Variants in TANK observed in about 807,000 individuals in gnomAD.
TANK encodes TRAF family member-associated NF-kappa-B activator.
Under a neutral mutation model 43.6 loss-of-function variants are expected in TANK, and 15 were observed. The ratio of observed to expected loss-of-function variants is 0.34; its 90% confidence interval spans 0.23 to 0.53. TANK has a LOEUF of 0.53. Among genes scored for constraint, TANK ranks in the 20% least tolerant of loss-of-function variants. The pLI, the probability that TANK is intolerant of heterozygous loss-of-function variation, is 0.94. For missense variants in TANK, 417 were observed against 498.6 expected (o/e 0.84, Z 1.56); for synonymous variants, 162 against 178.2 (o/e 0.91, Z 0.73).
chr2:161,223,998 C>T lies in TANK; in HGVS notation c.404+7C>T. ...GTCCTTTGCTCCATGAAAGGTAGTT[C>T]TACATCCTTTTTTCTCAACTCTTAA... On this transcript the variant is annotated splice_region_variant and intron_variant, in intron 5 of 7. Coordinates refer to ENST00000392749, the MANE Select transcript of TANK (RefSeq NM_001199135.3). The T allele has an allele frequency of 6.4e-7, 1 of 1,553,766 alleles. No homozygotes were observed. The highest frequency in any genetic ancestry group is 8.8e-7 in the Non-Finnish European group (1 of 1,140,858).
intron 1 of TANK, chr2:161,162,704 C>T (rs1293689897): frequency 6.6e-6 from 1 of 152,020 alleles, no homozygotes; most frequent in Non-Finnish European, 1.5e-5. Context: ...ATTTCTAGCT[C>T]ATTGTGATTT....
chr2:161,197,168 A>G (rs1686190108), intron 2 of TANK, among the ~76,000 whole-genome samples: 1 of 152,154 alleles, frequency 6.6e-6, no homozygotes, highest in Admixed American at 6.5e-5. Flanking sequence ...CTTGTACATT[A>G]TTTTTGTTCT....
intron 5 of TANK, among the ~76,000 whole-genome samples, chr2:161,224,301 A>G (rs1202029876): frequency 6.6e-6 from 1 of 152,044 alleles, no homozygotes; most frequent in East Asian, 1.9e-4. Context: ...TTAATATTCT[A>G]TTTAAGATAT....
At chr2:161,149,031 C>G (rs370796397) in intron 1 of TANK, among the ~76,000 whole-genome samples, 2 of 152,040 alleles carry the variant, frequency 1.3e-5, no homozygotes, top group Non-Finnish European at 2.9e-5. Flanking sequence ...AAAAAATAGG[C>G]TATTGAAATT....
intron 4 of TANK, among the ~76,000 whole-genome samples, chr2:161,222,032 C>CA (rs879573621): frequency 6.6e-6 from 1 of 152,040 alleles, no homozygotes; most frequent in Non-Finnish European, 1.5e-5. Flanking sequence ...AAGTTAGCAT[C>CA]AATTATTTAC....
chr2:161,232,721 T>G, intron 7 of TANK: 1 of 1,547,568 alleles, frequency 6.5e-7, no homozygotes, highest in Non-Finnish European at 8.7e-7. Context: ...GTCTTGCTTG[T>G]TCTTTTACTA....
At chr2:161,221,497 A>C (rs545100662) in intron 4 of TANK, among the ~76,000 whole-genome samples, 59 of 152,240 alleles carry the variant, frequency 3.9e-4, no homozygotes, top group Admixed American at 1.6e-3. Flanking sequence ...AGTTTCTGGG[A>C]AAGTGTTGAA....
chr2:161,154,855 G>T (rs1684181182), intron 1 of TANK, among the ~76,000 whole-genome samples: 1 of 150,292 alleles, frequency 6.7e-6, no homozygotes, highest in African/African-American at 2.5e-5. Context: ...AATGATTCTT[G>T]TGCCTCAGCT....
chr2:161,160,219 C>CT (rs992053053), upstream of TANK: 1,523 of 318,002 alleles, frequency 4.8e-3, 16 homozygotes, highest in African/African-American at 0.038. Context: ...GCTGCTGACG[C>CT]TTTTTTTTTC....
At chr2:161,216,832 G>A (rs1172659455) in intron 4 of TANK, among the ~76,000 whole-genome samples, 2 of 152,162 alleles carry the variant, frequency 1.3e-5, no homozygotes, top group Admixed American at 6.6e-5. Context: ...ATTATTCTAG[G>A]TCACTTGGGA....
intron 1 of TANK, among the ~76,000 whole-genome samples, chr2:161,164,204 A>G (rs1684570243): frequency 6.6e-6 from 1 of 152,242 alleles, no homozygotes; most frequent in African/African-American, 2.4e-5. Context: ...TAGACTGTTG[A>G]CATAAAGCTT....
chr2:161,150,426 C>G (rs1229423876), intron 1 of TANK, among the ~76,000 whole-genome samples: 1 of 151,932 alleles, frequency 6.6e-6, no homozygotes, highest in South Asian at 2.1e-4. Flanking sequence ...GAACCAACTT[C>G]TAGTTTCATT....
intron 1 of TANK, among the ~76,000 whole-genome samples, chr2:161,175,010 A>G (rs1352163542): frequency 6.6e-6 from 1 of 152,156 alleles, no homozygotes; most frequent in Non-Finnish European, 1.5e-5. Context: ...TCAACACTCT[A>G]TTCAAATGCC....
At chr2:161,196,279 C>A (rs1162403073) in intron 2 of TANK, among the ~76,000 whole-genome samples, 2 of 152,152 alleles carry the variant, frequency 1.3e-5, no homozygotes, top group Admixed American at 1.3e-4. Flanking sequence ...TGGGGGAAAT[C>A]ATCAGTTTTG....
intron 6 of TANK, among the ~76,000 whole-genome samples, chr2:161,230,536 TAGAC>T (rs1386327016): frequency 2.0e-5 from 3 of 152,208 alleles, no homozygotes; most frequent in Non-Finnish European, 2.9e-5. Context: ...TATACTTAGT[TAGAC>T]AGTGACATTA....
intron 1 of TANK, among the ~76,000 whole-genome samples, chr2:161,149,695 G>A (rs1573946298): frequency 6.7e-6 from 1 of 149,384 alleles, no homozygotes; most frequent in South Asian, 2.1e-4. Context: ...ATGGAAGGGT[G>A]TTGGTTTTTT....
chr2:161,184,015 C>T (rs1348166085), intron 2 of TANK, among the ~76,000 whole-genome samples: 1 of 151,928 alleles, frequency 6.6e-6, no homozygotes. Context: ...AGTTAATAAG[C>T]TCAATGTGAG....
intron 2 of TANK, among the ~76,000 whole-genome samples, chr2:161,189,931 CTT>C (rs1685836572): frequency 6.6e-6 from 1 of 152,114 alleles, no homozygotes; most frequent in African/African-American, 2.4e-5. Flanking sequence ...TTGGCAGTGA[CTT>C]TTTGCGTATG....
At chr2:161,200,234 T>G in intron 2 of TANK, 1 of 349,484 alleles carries the variant, frequency 2.9e-6, no homozygotes, top group Non-Finnish European at 4.0e-6. Flanking sequence ...ATTTTCAATG[T>G]GGTTGTTAGT....
Sources: allele counts gnomAD v4.1 joint callset (sites outside exome capture counted in the v4.1 genomes callset), GRCh38; gene constraint gnomAD v4.1.1; transcripts MANE v1.5; gene names NCBI Gene and HGNC (gene_info 2026-07-23, HGNC 2026-07-21).